PHTF2: variants seen among roughly 807,000 people sequenced by gnomAD.
The protein encoded by PHTF2 is protein PHTF2.
Under a neutral mutation model 101.2 loss-of-function variants are expected in PHTF2, and 60 were observed. The ratio of observed to expected loss-of-function variants is 0.59; its 90% CI spans 0.48 to 0.73. The LOEUF is 0.73. Among genes scored for constraint, PHTF2 ranks in the 30% least tolerant of loss-of-function variants. PHTF2 has a pLI of 0.00. For synonymous variants in PHTF2, 311 were observed against 307.3 expected, an observed-to-expected ratio of 1.01 and a Z score of -0.13; for missense variants, 747 against 908.7, an observed-to-expected ratio of 0.82 and a Z score of 2.29.
intron 13 of PHTF2, 87 bp downstream of exon 12, chr7:77,937,925 C>A: frequency 1.8e-6 from 1 of 559,286 alleles, no homozygotes; most frequent in South Asian, 6.1e-5. Context: ...ATATTAGTAA[C>A]CTTCTGACCT....
intron 1 of PHTF2, among the ~76,000 whole-genome samples, chr7:77,812,383 C>A (rs1326313325): frequency 6.6e-6 from 1 of 152,126 alleles, no homozygotes. Context: ...TTGAATACCT[C>A]AAACCCAATT....
At chr7:77,867,331 T>C (rs1444721726) in intron 3 of PHTF2, among the ~76,000 whole-genome samples, 1 of 152,116 alleles carries the variant, frequency 6.6e-6, no homozygotes, top group East Asian at 1.9e-4. Context: ...TTTTTGTGGA[T>C]GGATATTAAT....
At chr7:77,886,514 G>A (rs1402322020) in intron 3 of PHTF2, among the ~76,000 whole-genome samples, 1 of 151,118 alleles carries the variant, frequency 6.6e-6, no homozygotes, top group Admixed American at 6.6e-5. Flanking sequence ...TTTTCTTCCT[G>A]TTTCCCATTT....
intron 3 of PHTF2, among the ~76,000 whole-genome samples, chr7:77,870,931 AAATG>A (rs1489276575): frequency 6.6e-6 from 1 of 152,252 alleles, no homozygotes; most frequent in Non-Finnish European, 1.5e-5. Context: ...AAGGAAATAA[AAATG>A]AAGATATTTT....
At chr7:77,885,697 G>A (rs557743838) in intron 3 of PHTF2, among the ~76,000 whole-genome samples, 59 of 152,116 alleles carry the variant, frequency 3.9e-4, no homozygotes, top group African/African-American at 1.2e-3. Flanking sequence ...TGCCTGCCTC[G>A]GCCTCCCAAA....
At chr7:77,869,277 G>A (rs1020137642) in intron 3 of PHTF2, among the ~76,000 whole-genome samples, 1 of 151,974 alleles carries the variant, frequency 6.6e-6, no homozygotes, top group Admixed American at 6.6e-5. Context: ...TCTTTGTGTT[G>A]GGAACATTTT....
chr7:77,882,310 T>C (rs1015632111), intron 3 of PHTF2, among the ~76,000 whole-genome samples: 4 of 152,134 alleles, frequency 2.6e-5, no homozygotes, highest in Admixed American at 2.6e-4. Context: ...ATCTGTTTTC[T>C]TCCTTGAAAA....
At chr7:77,942,578 G>A (rs1429050447) in intron 15 of PHTF2, 122 bp from the exon 15 acceptor site, 2 of 506,560 alleles carry the variant, frequency 3.9e-6, no homozygotes. Flanking sequence ...ATTCAACATT[G>A]TGGGCTGTGA....
chr7:77,836,243 G>A (rs746455985), intron 1 of PHTF2, among the ~76,000 whole-genome samples: 5 of 152,058 alleles, frequency 3.3e-5, no homozygotes, highest in Non-Finnish European at 7.4e-5. Context: ...GGTTGAAGAA[G>A]AGGAGGGGTT....
At position 77,910,121 on chromosome 7, in the gene PHTF2, A is replaced by G. The variant is rs115510436; in HGVS notation, c.612-124A>G. The G allele has an allele frequency of 4.5e-3, 3,053 of 674,142 alleles. 78 individuals are homozygous for G. In the African/African-American group the frequency reaches 0.05, roughly 11 times the overall value. 41.8% of individuals were successfully genotyped at this position (674,142 alleles called of 1,614,324 possible). A position where few individuals can be genotyped will look rare whatever the true frequency, so the allele number is the denominator to read the frequency against. ...GGATTAAATTTTATCTAGTAAATCT[A>G]AATTTTATTATGTGTTAAGTAAAGT... is the stretch of plus-strand genomic sequence containing the variant. On this transcript the variant is annotated intron_variant, in intron 8 of 19. Coordinates refer to ENST00000416283, the Ensembl canonical transcript of PHTF2.
chr7:77,804,991 ATG>A (rs1450957772), intron 1 of PHTF2, among the ~76,000 whole-genome samples: 1 of 152,194 alleles, frequency 6.6e-6, no homozygotes, highest in Non-Finnish European at 1.5e-5. Flanking sequence ...TGATCCTTCC[ATG>A]TATCTTAAAC....
chr7:77,947,837 C>CTTTTTTTT lies in PHTF2; in HGVS notation c.1960-1830_1960-1823dup, dbSNP rs71082798. On this transcript the variant is annotated intron_variant, in intron 16 of 19. Coordinates refer to ENST00000416283, the Ensembl canonical transcript of PHTF2. Reference sequence around the variant, plus strand: ...TTATTTTCTTTTTTCTTTTTTCTTTCTTTTTTTTTTTTTTTTTTGAGACAG... The same window carrying CTTTTTTTT: ...TTATTTTCTTTTTTCTTTTTTCTTTCTTTTTTTTTTTTTTTTTTTTTTTTTTGAGACAG... Among the ~76,000 whole-genome samples, 145 of 73,790 alleles carry CTTTTTTTT rather than the reference C, an allele frequency of 2.0e-3. 17 individuals are homozygous for CTTTTTTTT. Among genetic ancestry groups the CTTTTTTTT allele is most frequent in the East Asian group, 6.3e-3 (13 of 2,052 alleles). 48.4% of individuals were successfully genotyped at this position (73,790 alleles called of 152,430 possible). A position where few individuals can be genotyped will look rare whatever the true frequency, so the allele number is the denominator to read the frequency against.
intron 13 of PHTF2, among the ~76,000 whole-genome samples, chr7:77,938,691 G>A (rs1805374507): frequency 6.6e-6 from 1 of 152,160 alleles, no homozygotes; most frequent in South Asian, 2.1e-4. Context: ...GCAGGAGAAT[G>A]GCATTAACCT....
chr7:77,924,133 TAAA>T, intron 11 of PHTF2: 5 of 957,778 alleles, frequency 5.2e-6, no homozygotes, highest in Non-Finnish European at 6.2e-6. Context: ...AGGGCGTTTC[TAAA>T]AAAAAGCAAA....
At chr7:77,815,214 C>T (rs540316494) in intron 1 of PHTF2, among the ~76,000 whole-genome samples, 1 of 152,026 alleles carries the variant, frequency 6.6e-6, no homozygotes, top group South Asian at 2.1e-4. Context: ...TCTTGTTCAG[C>T]CTTTGCTGGG....
chr7:77,865,503 A>G (rs1797985613), intron 3 of PHTF2, among the ~76,000 whole-genome samples: 1 of 152,100 alleles, frequency 6.6e-6, no homozygotes, highest in African/African-American at 2.4e-5. Context: ...GGCATTATAG[A>G]TGTGAGCCAT....
intron 6 of PHTF2, among the ~76,000 whole-genome samples, chr7:77,901,040 C>T (rs1356324148): frequency 6.6e-6 from 1 of 152,140 alleles, no homozygotes; most frequent in African/African-American, 2.4e-5. Context: ...ATCACATGGC[C>T]AGAGCAGGAG....
intron 1 of PHTF2, among the ~76,000 whole-genome samples, chr7:77,823,853 T>G (rs1415941864): frequency 6.6e-6 from 1 of 152,234 alleles, no homozygotes; most frequent in Non-Finnish European, 1.5e-5. Flanking sequence ...GGTCAAATTG[T>G]AAAAGAAGGG....
chr7:77,916,989 T>C (rs1562947441), intron 9 of PHTF2, among the ~76,000 whole-genome samples: 1 of 152,226 alleles, frequency 6.6e-6, no homozygotes, highest in African/African-American at 2.4e-5. Flanking sequence ...CTTTAGCATC[T>C]ATAGATTATT....
Sources: allele counts gnomAD v4.1 joint callset (sites outside exome capture counted in the v4.1 genomes callset), GRCh38; gene constraint gnomAD v4.1.1; transcripts MANE v1.5; gene names NCBI Gene and HGNC (gene_info 2026-07-23, HGNC 2026-07-21).